The following ACTR3B variants were observed in gnomAD, a reference collection of about 807,000 sequenced individuals.
ACTR3B encodes the protein actin related protein 3B.
Under a neutral mutation model 59.0 loss-of-function variants are expected in ACTR3B, and 8 were observed. That is an observed-to-expected ratio of 0.14 (90% CI 0.08 to 0.24). ACTR3B has a LOEUF of 0.24. Among genes scored for constraint, ACTR3B ranks in the 10% least tolerant of loss-of-function variants. The pLI is 1.00. For synonymous variants in ACTR3B, 148 were observed against 197.9 expected (o/e 0.75, Z 2.12); for missense variants, 245 against 552.3 (o/e 0.44, Z 5.58).
intron 1 of ACTR3B, among the ~76,000 whole-genome samples, chr7:152,760,442 C>G (rs1462670116): frequency 1.3e-5 from 2 of 152,260 alleles, no homozygotes; most frequent in Middle Eastern, 3.4e-3. Context: ...TTCCTCCTGG[C>G]TGAGGATTCT....
rs756068314 is a variant in ACTR3B at position 152,789,997 on chromosome 7, CTT to C, written c.100+6776_100+6777del. ...ATGGTTTTGGACATTTGTACTCTTT[CTT>C]TTTTTTTTTTTTTTTTTTTTGAGGC... On this transcript the variant is annotated intron_variant, in intron 2 of 11. Coordinates refer to ENST00000256001, the MANE Select transcript of ACTR3B (RefSeq NM_020445.6). 1.4e-4 allele frequency among the ~76,000 whole-genome samples: 14 copies of C among 102,822 alleles called. No individual in the cohort carries two copies. The South Asian group carries it at 1.7e-3, about 13-fold the overall frequency. 67.5% of individuals were successfully genotyped at this position (102,822 alleles called of 152,430 possible). A position where few individuals can be genotyped will look rare whatever the true frequency, so the allele number is the denominator to read the frequency against.
intron 4 of ACTR3B, chr7:152,814,268 G>C (rs1795505726): frequency 5.7e-6 from 2 of 351,358 alleles, no homozygotes; most frequent in South Asian, 5.5e-5. Flanking sequence ...GGGTGTTTAG[G>C]TGTTACGTTA....
At chr7:152,851,129 T>C (rs1590476940) in intron 9 of ACTR3B, among the ~76,000 whole-genome samples, 1 of 152,240 alleles carries the variant, frequency 6.6e-6, no homozygotes, top group South Asian at 2.1e-4. Context: ...TGTACATACA[T>C]ACCTATGATA....
At chr7:152,795,705 G>A (rs973029727) in intron 2 of ACTR3B, among the ~76,000 whole-genome samples, 4 of 152,150 alleles carry the variant, frequency 2.6e-5, no homozygotes, top group African/African-American at 9.7e-5. Context: ...GTCACCAGTA[G>A]CTCTACCATC....
intron 9 of ACTR3B, among the ~76,000 whole-genome samples, chr7:152,832,655 C>T (rs753470729): frequency 4.6e-5 from 7 of 152,168 alleles, no homozygotes; most frequent in Non-Finnish European, 1.0e-4. Flanking sequence ...AGCCACCACA[C>T]CTGGCCACTA....
At chr7:152,843,364 G>A (rs1391191501) in intron 9 of ACTR3B, among the ~76,000 whole-genome samples, 1 of 152,176 alleles carries the variant, frequency 6.6e-6, no homozygotes, top group Non-Finnish European at 1.5e-5. Flanking sequence ...TTGTGTATAT[G>A]AAATGAGAAA....
At chr7:152,789,000 C>A (rs142111465) in intron 2 of ACTR3B, among the ~76,000 whole-genome samples, 4,091 of 151,438 alleles carry the variant, frequency 0.027, 13 homozygotes, top group Middle Eastern at 0.089. Flanking sequence ...CCAGCCTGGG[C>A]AGCAGAACCA....
chr7:152,796,737 C>T (rs1389192261), intron 2 of ACTR3B, among the ~76,000 whole-genome samples: 1 of 129,666 alleles, frequency 7.7e-6, no homozygotes, highest in African/African-American at 2.6e-5. Flanking sequence ...TTGTTTGTGA[C>T]TGGGTCTTGT....
intron 6 of ACTR3B, 105 bp downstream of exon 6, chr7:152,816,693 T>A: frequency 2.3e-6 from 2 of 884,648 alleles, no homozygotes; most frequent in Non-Finnish European, 3.1e-6. Flanking sequence ...GGAAATACAA[T>A]TTAGATGATA....
At position 152,824,999 on chromosome 7, in the gene ACTR3B, A is replaced by G; in HGVS notation, c.859-31A>G. On this transcript the variant is annotated intron_variant, in intron 8 of 11. Coordinates refer to ENST00000256001, the MANE Select transcript of ACTR3B (RefSeq NM_020445.6). This position sits in a 1 kb window ranked among gnomAD's most constrained non-coding sequence, Gnocchi z 4.2. Reference sequence around the variant, plus strand: ...GTTGTTCTATTTGAGAGAAATGTGTAATGTTTCTTTTATATTGATACACAA... The same window carrying G: ...GTTGTTCTATTTGAGAGAAATGTGTGATGTTTCTTTTATATTGATACACAA... 6.2e-7 allele frequency: 1 copy of G among 1,602,876 alleles called. No individual in the cohort carries two copies. The highest frequency in any genetic ancestry group is 8.5e-7 in the Non-Finnish European group (1 of 1,173,528).
intron 7 of ACTR3B, among the ~76,000 whole-genome samples, chr7:152,821,912 C>A (rs1015184882): frequency 1.3e-5 from 2 of 152,256 alleles, no homozygotes; most frequent in Non-Finnish European, 2.9e-5. Context: ...GAGCACACCA[C>A]CCTTGCAGCA....
At chr7:152,847,014 G>A (rs1798389327) in intron 9 of ACTR3B, among the ~76,000 whole-genome samples, 1 of 149,568 alleles carries the variant, frequency 6.7e-6, no homozygotes, top group Non-Finnish European at 1.5e-5. Context: ...GTGAGCTCTA[G>A]TGCCCGGGCT....
chr7:152,765,397 A>G (rs1230444108), intron 1 of ACTR3B, among the ~76,000 whole-genome samples: 2 of 149,242 alleles, frequency 1.3e-5, no homozygotes, highest in East Asian at 3.9e-4. Context: ...GATTACAGCC[A>G]TGAGCCACTG....
rs908836647 is a variant in ACTR3B, at chr7:152,759,832, G to T, written c.-51G>T. The T allele has an allele frequency of 1.6e-5, 19 of 1,205,636 alleles. No individual in the cohort carries two copies. Among genetic ancestry groups the T allele is most frequent in the African/African-American group, 1.1e-4 (7 of 63,026 alleles). 74.7% of individuals were successfully genotyped at this position (1,205,636 alleles called of 1,614,324 possible). ...GCTAGCGGGCGGCGGAGCGGACGGC[G>T]ACGGGGCGCTCTCGGGCTGCCGGCG... is the stretch of plus-strand genomic sequence containing the variant. On this transcript the variant is annotated 5_prime_UTR_variant, in exon 1 of 12. Transcript: ENST00000256001.
In ACTR3B at chr7:152,854,816, A is replaced by G; in HGVS notation, c.*263A>G. 1 of 418,384 alleles carries G rather than the reference A, an allele frequency of 2.4e-6. No homozygotes were observed. The highest frequency in any genetic ancestry group is 4.3e-6 in the Non-Finnish European group (1 of 231,680). The allele number at this position is 418,384 out of a possible 1,614,324, so 25.9% of individuals were successfully genotyped here. A position where few individuals can be genotyped will look rare whatever the true frequency, so the allele number is the denominator to read the frequency against. ...TCCTCCTCCTCCGAGCTGCTAGCTG[A>G]CAAATACAATTCTGAAGGAATCCAA... On this transcript the variant is annotated 3_prime_UTR_variant, in exon 12 of 12. Transcript: ENST00000256001. This position sits in a 1 kb window ranked among gnomAD's most constrained non-coding sequence, Gnocchi z 4.9.
At chr7:152,762,291 T>C (rs1286659267) in intron 1 of ACTR3B, among the ~76,000 whole-genome samples, 1 of 152,232 alleles carries the variant, frequency 6.6e-6, no homozygotes, top group African/African-American at 2.4e-5. Flanking sequence ...TTTCAGAGAA[T>C]ATTTCACAAC....
intron 2 of ACTR3B, among the ~76,000 whole-genome samples, chr7:152,799,595 T>C (rs4726208): frequency 0.77 from 117,050 of 152,002 alleles, 45,193 homozygotes; most frequent in East Asian, 0.88. Context: ...AAGGAATCTA[T>C]AGTTTGGTAG....
rs945161089 is a variant in ACTR3B, at chr7:152,853,362, T to C, written c.1078-132T>C. On this transcript the variant is annotated intron_variant, in intron 10 of 11. Coordinates refer to ENST00000256001, the MANE Select transcript of ACTR3B (RefSeq NM_020445.6). ...GCAGGGGCGGAGAGTCACTGAGTGC[T>C]GGGTGTGAGGTGGTGCTCGTGCCAT... is the stretch of plus-strand genomic sequence containing the variant. 114 of 715,292 alleles carry C rather than the reference T, an allele frequency of 1.6e-4. 1 individual carries two copies. The highest frequency in any genetic ancestry group is 5.8e-4 in the Admixed American group (28 of 47,966). The allele number at this position is 715,292 out of a possible 1,614,324, so 44.3% of individuals were successfully genotyped here. A position where few individuals can be genotyped will look rare whatever the true frequency, so the allele number is the denominator to read the frequency against.
At chr7:152,828,151 G>A (rs1293541672) in intron 9 of ACTR3B, among the ~76,000 whole-genome samples, 3 of 152,294 alleles carry the variant, frequency 2.0e-5, no homozygotes, top group South Asian at 2.1e-4. Flanking sequence ...AATACTGTCC[G>A]GGTTGGCCTG....
Sources: gnomAD v4.1 joint callset for allele counts (sites outside exome capture counted in the v4.1 genomes callset) on GRCh38, gnomAD v4.1.1 for gene constraint, Gnocchi (gnomAD v3.1) non-coding constraint, MANE v1.5 for transcripts, NCBI Gene and HGNC (gene_info 2026-07-23, HGNC 2026-07-21) for gene names.